KANSL3: variants seen among roughly 807,000 people sequenced by gnomAD.
KANSL3 encodes the protein KAT8 regulatory NSL complex subunit 3.
A neutral mutation model predicts 89.2 loss-of-function variants in KANSL3; 16 were observed. That is an observed-to-expected ratio of 0.18 (90% CI 0.12 to 0.27). The LOEUF is 0.27. KANSL3 is among the 10% of genes least tolerant of loss of function. The pLI, the probability that KANSL3 is intolerant of heterozygous loss-of-function variation, is 1.00. For missense variants in KANSL3, 879 were observed against 1,110.6 expected, an observed-to-expected ratio of 0.79 and a Z score of 2.96; for synonymous variants, 385 against 419.7, an observed-to-expected ratio of 0.92 and a Z score of 1.01.
chr2:96,584,294 G>T, the KANSL3 span, among the ~76,000 whole-genome samples: 1 of 152,126 alleles, frequency 6.6e-6, no homozygotes, highest in African/African-American at 2.4e-5. Context: ...TAGATTACAG[G>T]CATGAGCCAC....
intron 5 of KANSL3, 97 bp from the exon 6 acceptor site, chr2:96,613,716 T>C (rs541474000): frequency 7.7e-6 from 9 of 1,166,760 alleles, no homozygotes; most frequent in Middle Eastern, 2.2e-4. Flanking sequence ...CTATAAGCCA[T>C]AGACAGACTT....
At chr2:96,613,436 T>C in intron 6 of KANSL3, 52 bp downstream of exon 6, 1 of 1,513,748 alleles carries the variant, frequency 6.6e-7, no homozygotes, top group Admixed American at 1.9e-5. Flanking sequence ...TTCTAAGGCT[T>C]GAGTCTAAAA....
chr2:96,590,033 G>A (rs2066261882), downstream of KANSL3, among the ~76,000 whole-genome samples: 1 of 151,612 alleles, frequency 6.6e-6, no homozygotes, highest in Non-Finnish European at 1.5e-5. Context: ...GGTGGTGGAT[G>A]CCTGTAATCC....
chr2:96,610,540 C>T (rs1329655918), intron 11 of KANSL3, 186 bp downstream of exon 11: 7 of 535,408 alleles, frequency 1.3e-5, no homozygotes, highest in Non-Finnish European at 2.0e-5. Flanking sequence ...TGGTCTCAAT[C>T]TCCTGACCTC....
At chr2:96,585,900 G>A in the KANSL3 span, among the ~76,000 whole-genome samples, 1 of 152,114 alleles carries the variant, frequency 6.6e-6, no homozygotes, top group African/African-American at 2.4e-5. Context: ...CTTAGAAGTG[G>A]GAGCTAAGCT....
At chr2:96,636,735 T>C (rs773064534) in intron 2 of KANSL3, 186 bp downstream of exon 2, 1 of 474,410 alleles carries the variant, frequency 2.1e-6, no homozygotes, top group Non-Finnish European at 3.7e-6. Flanking sequence ...CTAACTCTTG[T>C]TAGCTGTCTC....
intron 3 of KANSL3, among the ~76,000 whole-genome samples, chr2:96,630,494 A>C (rs1191991184): frequency 2.0e-5 from 3 of 152,254 alleles, no homozygotes; most frequent in Admixed American, 1.3e-4. Context: ...ACAAAAGTCA[A>C]TTAGTGCTTC....
chr2:96,583,146 T>C, the KANSL3 span, among the ~76,000 whole-genome samples: 2 of 152,250 alleles, frequency 1.3e-5, no homozygotes, highest in African/African-American at 4.8e-5. Flanking sequence ...CTACAAGCCA[T>C]ACAAACAAAA....
At chr2:96,596,914 A>G (rs1030912279) in intron 20 of KANSL3, among the ~76,000 whole-genome samples, 3 of 152,236 alleles carry the variant, frequency 2.0e-5, no homozygotes, top group African/African-American at 7.2e-5. Context: ...GATGCAGGGC[A>G]CAACATAGTC....
chr2:96,637,340 C>T (rs2074383667), intron 1 of KANSL3, 155 bp from the exon 2 acceptor site: 5 of 485,970 alleles, frequency 1.0e-5, no homozygotes, highest in Non-Finnish European at 7.3e-6. Context: ...TGGAATCCCA[C>T]ACCAACACCA....
chr2:96,606,720 G>C (rs558171589), intron 14 of KANSL3: 1 of 271,430 alleles, frequency 3.7e-6, no homozygotes, highest in African/African-American at 2.3e-5. Flanking sequence ...AGCCAAGACC[G>C]TAGTGAAAGA....
rs1294791267 is a variant in KANSL3 at position 96,637,198 on chromosome 2, G to T, written c.-50-13C>A. ...GCATGCTAGTCACCTGCAGTGAAAA[G>T]TTTCAGTTTAGGTCAATTCCAATAT... On this transcript the variant is annotated splice_polypyrimidine_tract_variant and intron_variant, in intron 1 of 20. Transcript: ENST00000431828. 3 of 1,130,190 alleles carry T rather than the reference G, an allele frequency of 2.7e-6. No homozygotes were observed. Among genetic ancestry groups the T allele is most frequent in the Non-Finnish European group, 3.8e-6 (3 of 782,724 alleles). 70.0% of individuals were successfully genotyped at this position (1,130,190 alleles called of 1,614,324 possible).
intron 1 of KANSL3, chr2:96,637,843 C>T (rs572909295): frequency 6.6e-6 from 1 of 152,356 alleles, no homozygotes; most frequent in Non-Finnish European, 1.5e-5. Context: ...ACCCTCACCC[C>T]CAGTGAGGCG....
At chr2:96,612,654 TTCCACATGAAAGAAGGATTAGAGGAGGC>T in intron 7 of KANSL3, 91 bp from the exon 8 acceptor site, 7 of 1,233,418 alleles carry the variant, frequency 5.7e-6, no homozygotes, top group South Asian at 3.9e-5. Flanking sequence ...AACCTTGGAA[TTCCACATGAAAGAAGGATTAGAGGAGGC>T]TCCACATGAA....
intron 9 of KANSL3, among the ~76,000 whole-genome samples, chr2:96,611,887 AC>A (rs1464768004): frequency 8.2e-6 from 1 of 122,136 alleles, no homozygotes; most frequent in Non-Finnish European, 1.7e-5. Context: ...TTTTTTTTCC[AC>A]AGATATATAC....
In KANSL3 at chr2:96,611,076, ATCC is replaced by A; in HGVS notation, c.1146_1148del (p.Asp383del). On this transcript the variant is annotated inframe_deletion, in exon 10 of 21. Transcript: ENST00000431828. ...ACCACATTCTTACCCCTCTGGGGCC[ATCC>A]ACAGTAAGCAGAGGAAACCCAAGGC... is the stretch of plus-strand genomic sequence containing the variant. The A allele has an allele frequency of 1.2e-6, 2 of 1,613,964 alleles. No individual in the cohort carries two copies. The highest frequency in any genetic ancestry group is 1.7e-6 in the Non-Finnish European group (2 of 1,179,842).
In KANSL3 at chr2:96,612,576, A is replaced by C. The variant is rs764150282; in HGVS notation, c.913-13T>G. ...CTACAGGGATGACCTGAAGGAAAGA[A>C]GTAGCCCCCACACCAGCAGAGGTAA... On this transcript the variant is annotated splice_polypyrimidine_tract_variant and intron_variant, in intron 7 of 20. Coordinates refer to ENST00000431828, the MANE Select transcript of KANSL3 (RefSeq NM_001115016.3). 3 of 1,597,968 alleles carry C rather than the reference A, an allele frequency of 1.9e-6. No individual in the cohort carries two copies. In the South Asian group the frequency reaches 3.3e-5, roughly 18 times the overall value.
chr2:96,608,510 T>C lies in KANSL3; in HGVS notation c.1739A>G (p.Gln580Arg). The change falls in exon 14 of 21, where the codon CAA becomes CGA. Residue 580 changes from glutamine (Q) to arginine (R), a missense_variant and splice_region_variant. Physicochemically the swap from Gln to Arg is conservative, Grantham distance 43. Coordinates refer to ENST00000431828, the MANE Select transcript of KANSL3 (RefSeq NM_001115016.3). Reference sequence around the variant, plus strand: ...AGCCACTGGCCAAGTGCCTATACCTTGAGCTTGTTTGTGGGTCAGCACAGC... The same window carrying C: ...AGCCACTGGCCAAGTGCCTATACCTCGAGCTTGTTTGTGGGTCAGCACAGC... ...TEAVLTHKQAQVPISSEPPEE... is the reference protein window; with the variant it reads ...TEAVLTHKQARVPISSEPPEE... 2.5e-6 allele frequency: 4 copies of C among 1,613,298 alleles called. No homozygotes were observed. The highest frequency in any genetic ancestry group is 3.4e-6 in the Non-Finnish European group (4 of 1,179,236).
chr2:96,611,178 T>C (rs770072150), intron 9 of KANSL3, 40 bp from the exon 10 acceptor site: 19 of 1,562,648 alleles, frequency 1.2e-5, no homozygotes, highest in Non-Finnish European at 1.6e-5. Flanking sequence ...GTCAACTGAG[T>C]TCATGGCACC....
Sources: allele counts gnomAD v4.1 joint callset (sites outside exome capture counted in the v4.1 genomes callset), GRCh38; gene constraint gnomAD v4.1.1; transcripts MANE v1.5; gene names NCBI Gene and HGNC (gene_info 2026-07-23, HGNC 2026-07-21).